DLG2: variants seen among roughly 807,000 people sequenced by gnomAD.
DLG2 encodes disks large homolog 2.
Under a neutral mutation model 132.5 loss-of-function variants are expected in DLG2, and 45 were observed. That is an observed-to-expected ratio of 0.34 (90% CI 0.27 to 0.44). DLG2 has a LOEUF of 0.44. Among genes scored for constraint, DLG2 ranks in the 20% least tolerant of loss-of-function variants. DLG2 has a pLI of 1.00. For synonymous variants in DLG2, 424 were observed against 419.6 expected (o/e 1.01, Z -0.13); for missense variants, 1,045 against 1,196.9 (o/e 0.87, Z 1.87).
chr11:85,020,936 C>A, intron 6 of DLG2: 1 of 773,818 alleles, frequency 1.3e-6, no homozygotes, highest in Non-Finnish European at 2.4e-6. Flanking sequence ...CGCCCTCAGA[C>A]TCCAACTTCA....
At chr11:83,674,402 C>T (rs2077347526) in intron 18 of DLG2, among the ~76,000 whole-genome samples, 1 of 152,168 alleles carries the variant, frequency 6.6e-6, no homozygotes, top group African/African-American at 2.4e-5. Flanking sequence ...AGAAATTCAT[C>T]CAAGGAACAG....
At chr11:84,827,887 G>T (rs781554834) in intron 6 of DLG2, among the ~76,000 whole-genome samples, 5 of 151,480 alleles carry the variant, frequency 3.3e-5, no homozygotes, top group African/African-American at 4.8e-5. Flanking sequence ...CTTATTAGTG[G>T]GATCTAAAAA....
chr11:85,220,637 A>AAAAAAT (rs371263007), intron 4 of DLG2, among the ~76,000 whole-genome samples: 16 of 148,262 alleles, frequency 1.1e-4, no homozygotes, highest in African/African-American at 4.0e-4. Flanking sequence ...TAGAAAAAAA[A>AAAAAAT]ATATATATAT....
intron 3 of DLG2, among the ~76,000 whole-genome samples, chr11:85,347,246 C>G (rs2082911054): frequency 6.6e-6 from 1 of 152,046 alleles, no homozygotes; most frequent in African/African-American, 2.4e-5. Context: ...CATGCTCCCC[C>G]TAAGCTTGTC....
chr11:84,095,263 A>G (rs2097149807), intron 10 of DLG2, among the ~76,000 whole-genome samples: 1 of 152,154 alleles, frequency 6.6e-6, no homozygotes, highest in Non-Finnish European at 1.5e-5. Context: ...GGTAAAATTT[A>G]TTGAGCACCA....
intron 16 of DLG2, among the ~76,000 whole-genome samples, chr11:83,841,517 G>C (rs1717152091): frequency 6.6e-6 from 1 of 152,126 alleles, no homozygotes; most frequent in Non-Finnish European, 1.5e-5. Context: ...ATCTTTTCAT[G>C]TATCTATCAT....
chr11:84,514,381 C>A (rs2099266254), intron 7 of DLG2, among the ~76,000 whole-genome samples: 1 of 152,018 alleles, frequency 6.6e-6, no homozygotes, highest in Admixed American at 6.6e-5. Flanking sequence ...ATCAAAGGAA[C>A]ATCTGCACTC....
chr11:83,756,361 T>C (rs1181172099), intron 18 of DLG2, among the ~76,000 whole-genome samples: 1 of 151,480 alleles, frequency 6.6e-6, no homozygotes, highest in Non-Finnish European at 1.5e-5. Flanking sequence ...AGATATAAGA[T>C]TGCCAAATGC....
At chr11:83,658,287 G>T (rs566054547) in intron 18 of DLG2, among the ~76,000 whole-genome samples, 25 of 152,224 alleles carry the variant, frequency 1.6e-4, no homozygotes, top group African/African-American at 5.5e-4. Flanking sequence ...CAAATATATA[G>T]AGACTTTATT....
At chr11:85,285,062 T>C (rs2078470650) in intron 4 of DLG2, among the ~76,000 whole-genome samples, 158 bp downstream of exon 4, 1 of 151,988 alleles carries the variant, frequency 6.6e-6, no homozygotes, top group Non-Finnish European at 1.5e-5. Flanking sequence ...TTGGAAAAAT[T>C]GAATTTTCAT....
At chr11:83,959,322 G>C (rs2087845492) in intron 14 of DLG2, among the ~76,000 whole-genome samples, 1 of 152,050 alleles carries the variant, frequency 6.6e-6, no homozygotes, top group African/African-American at 2.4e-5. Flanking sequence ...CAGGAAAGTA[G>C]AGAAACATTT....
At chr11:84,517,129 A>G (rs1194914576) in intron 7 of DLG2, among the ~76,000 whole-genome samples, 4 of 150,374 alleles carry the variant, frequency 2.7e-5, no homozygotes, top group East Asian at 1.9e-4. Context: ...AAAGCACAGG[A>G]AAAAAAAGCA....
At chr11:84,242,356 T>TTTTTG (rs1404066922) in intron 8 of DLG2, among the ~76,000 whole-genome samples, 1 of 152,040 alleles carries the variant, frequency 6.6e-6, no homozygotes, top group East Asian at 1.9e-4. Context: ...TTTTTTTTTG[T>TTTTTG]TTTTGTTTTT....
chr11:85,315,957 C>T (rs928134607), intron 3 of DLG2, among the ~76,000 whole-genome samples: 1 of 152,002 alleles, frequency 6.6e-6, no homozygotes, highest in African/African-American at 2.4e-5. Context: ...TCTCCCTCAC[C>T]TGAATTATCT....
chr11:85,186,512 G>A (rs1304390288), intron 4 of DLG2, among the ~76,000 whole-genome samples: 1 of 151,932 alleles, frequency 6.6e-6, no homozygotes, highest in Non-Finnish European at 1.5e-5. Flanking sequence ...ATAAATAAAT[G>A]GGCAAATACA....
intron 6 of DLG2, among the ~76,000 whole-genome samples, chr11:85,059,164 G>A (rs1002151952): frequency 6.9e-6 from 1 of 145,046 alleles, no homozygotes; most frequent in South Asian, 2.2e-4. Flanking sequence ...TAAGATAAAA[G>A]AAAACCCAGA....
intron 4 of DLG2, among the ~76,000 whole-genome samples, chr11:85,230,905 T>A (rs2075265379): frequency 6.6e-6 from 1 of 151,864 alleles, no homozygotes; most frequent in African/African-American, 2.4e-5. Context: ...TTCCACCACG[T>A]GAGGATACAG....
chr11:85,395,845 A>G (rs1315567820), intron 3 of DLG2, among the ~76,000 whole-genome samples: 1 of 152,236 alleles, frequency 6.6e-6, no homozygotes, highest in African/African-American at 2.4e-5. Flanking sequence ...GGCATATCTG[A>G]ACAAAAGGCA....
chr11:85,212,750 A>T (rs2152569958), intron 4 of DLG2, among the ~76,000 whole-genome samples: 1 of 152,296 alleles, frequency 6.6e-6, no homozygotes, highest in South Asian at 2.1e-4. Context: ...AAGTTAAATG[A>T]CCTGCCCAAG....
Sources: allele counts gnomAD v4.1 joint callset (sites outside exome capture counted in the v4.1 genomes callset), GRCh38; gene constraint gnomAD v4.1.1; transcripts MANE v1.5; gene names NCBI Gene and HGNC (gene_info 2026-07-23, HGNC 2026-07-21).